Variants in NRG3 observed in about 807,000 individuals in gnomAD.
NRG3 encodes the protein pro-neuregulin-3, membrane-bound isoform.
A neutral mutation model predicts 66.9 loss-of-function variants in NRG3; 31 were observed. The observed-to-expected ratio is 0.46, with a 90% confidence interval of 0.35 to 0.63. The LOEUF is 0.63. Ranked by LOEUF, NRG3 falls within the 20% of genes least tolerant of loss-of-function variation. The pLI, the probability that NRG3 is intolerant of heterozygous loss-of-function variation, is 0.00. For missense variants in NRG3, 910 were observed against 878.9 expected (o/e 1.04, Z -0.45); for synonymous variants, 393 against 359.4 (o/e 1.09, Z -1.06).
Position 82,534,806 on chromosome 10 carries a change from A to C in NRG3, c.953+175938A>C, listed in dbSNP as rs60249428. 4.3e-3 allele frequency among the ~76,000 whole-genome samples: 655 copies of C among 152,266 alleles called. 5 individuals carry two copies. The highest frequency in any genetic ancestry group is 0.015 in the African/African-American group (631 of 41,554). ...ACTGATCTGGGACAAGAATGCTAAA[A>C]ATACACAATGGAGAAAGGATAGTCT... On this transcript the variant is annotated intron_variant, in intron 2 of 8. Coordinates refer to ENST00000372141, the MANE Select transcript of NRG3 (RefSeq NM_001010848.4).
intron 1 of NRG3, among the ~76,000 whole-genome samples, chr10:82,003,326 C>G (rs2061246840): frequency 6.6e-6 from 1 of 152,074 alleles, no homozygotes; most frequent in Non-Finnish European, 1.5e-5. Flanking sequence ...GAGCCTTGAT[C>G]TGGATAATTC....
At chr10:82,857,719 T>C (rs897640452) in intron 3 of NRG3, among the ~76,000 whole-genome samples, 21 of 152,366 alleles carry the variant, frequency 1.4e-4, no homozygotes, top group African/African-American at 4.8e-4. Flanking sequence ...TTGATTAATA[T>C]GATTTTTTAC....
At chr10:82,424,615 C>A (rs2089298627) in intron 2 of NRG3, among the ~76,000 whole-genome samples, 1 of 151,874 alleles carries the variant, frequency 6.6e-6, no homozygotes, top group Admixed American at 6.6e-5. Flanking sequence ...AAATTGTATC[C>A]TTTAAAGTGC....
intron 2 of NRG3, among the ~76,000 whole-genome samples, chr10:82,522,324 C>T (rs1846272857): frequency 6.6e-6 from 1 of 152,086 alleles, no homozygotes. Flanking sequence ...GGATTACAGG[C>T]ATGAGCCACT....
intron 1 of NRG3, among the ~76,000 whole-genome samples, chr10:81,883,316 A>G (rs920533719): frequency 2.0e-5 from 3 of 152,318 alleles, no homozygotes; most frequent in East Asian, 1.9e-4. Context: ...TGGAAATCTC[A>G]TCCTGAATTA....
At chr10:82,074,114 C>T (rs754538181) in intron 1 of NRG3, among the ~76,000 whole-genome samples, 3 of 150,984 alleles carry the variant, frequency 2.0e-5, no homozygotes, top group Non-Finnish European at 2.9e-5. Context: ...TGAAGGACAA[C>T]GTGGCTGCTG....
intron 2 of NRG3, among the ~76,000 whole-genome samples, chr10:82,570,507 TA>T (rs1180412383): frequency 5.3e-5 from 8 of 151,630 alleles, no homozygotes; most frequent in African/African-American, 1.9e-4. Context: ...AAGTACTTAA[TA>T]AATATTTGTT....
At chr10:81,903,173 A>G (rs1282059694) in intron 1 of NRG3, among the ~76,000 whole-genome samples, 7 of 152,168 alleles carry the variant, frequency 4.6e-5, no homozygotes, top group Non-Finnish European at 7.3e-5. Context: ...AGATGCTTGT[A>G]CTACATGTAA....
chr10:82,270,831 C>G (rs1373568081), intron 1 of NRG3, among the ~76,000 whole-genome samples: 2 of 152,110 alleles, frequency 1.3e-5, no homozygotes, highest in African/African-American at 4.8e-5. Context: ...AGTATTGTCT[C>G]TTACGCCATG....
chr10:82,733,627 C>G (rs562932216), intron 2 of NRG3, among the ~76,000 whole-genome samples: 1 of 152,282 alleles, frequency 6.6e-6, no homozygotes, highest in Admixed American at 6.5e-5. Context: ...CACCTTTCAT[C>G]AATGAGTAAA....
At chr10:82,825,801 A>G (rs1359463775) in intron 3 of NRG3, among the ~76,000 whole-genome samples, 1 of 152,226 alleles carries the variant, frequency 6.6e-6, no homozygotes, top group Non-Finnish European at 1.5e-5. Context: ...TAAATATTAT[A>G]AAAGTGAGCC....
intron 2 of NRG3, among the ~76,000 whole-genome samples, chr10:82,471,730 G>A (rs561979450): frequency 3.3e-5 from 5 of 152,000 alleles, no homozygotes; most frequent in South Asian, 4.2e-4. Context: ...GTGAAACCCC[G>A]TCTCTACTAA....
intron 2 of NRG3, among the ~76,000 whole-genome samples, chr10:82,647,017 A>T (rs1444505630): frequency 1.6e-5 from 2 of 127,000 alleles, no homozygotes; most frequent in Non-Finnish European, 3.4e-5. Context: ...TTTTATTATT[A>T]TTATACTTTA....
intron 2 of NRG3, among the ~76,000 whole-genome samples, chr10:82,708,959 C>A (rs1457004327): frequency 2.6e-5 from 4 of 152,050 alleles, no homozygotes; most frequent in African/African-American, 9.7e-5. Flanking sequence ...CTCGTAACCC[C>A]TGAGCAGCCA....
At chr10:82,368,096 C>T (rs746172546) in intron 2 of NRG3, among the ~76,000 whole-genome samples, 1 of 104,808 alleles carries the variant, frequency 9.5e-6, no homozygotes, top group Non-Finnish European at 1.7e-5. Context: ...AATATTACTA[C>T]TTCCCAGGAT....
intron 2 of NRG3, among the ~76,000 whole-genome samples, chr10:82,734,785 A>G (rs371510010): frequency 2.6e-5 from 4 of 152,260 alleles, no homozygotes; most frequent in African/African-American, 7.2e-5. Flanking sequence ...TGGGAGGCCA[A>G]GACAGGAGGA....
chr10:82,194,968 T>C (rs1021855594), intron 1 of NRG3, among the ~76,000 whole-genome samples: 1 of 152,150 alleles, frequency 6.6e-6, no homozygotes, highest in African/African-American at 2.4e-5. Flanking sequence ...TTTCTAATTA[T>C]CTTGCAAGGC....
chr10:82,390,525 C>A (rs1267621271), intron 2 of NRG3, among the ~76,000 whole-genome samples: 1 of 152,026 alleles, frequency 6.6e-6, no homozygotes, highest in East Asian at 1.9e-4. Flanking sequence ...ATCTGATTTG[C>A]CCGTGACACT....
At chr10:82,901,417 A>G (rs1396858455) in intron 4 of NRG3, among the ~76,000 whole-genome samples, 1 of 152,114 alleles carries the variant, frequency 6.6e-6, no homozygotes, top group Non-Finnish European at 1.5e-5. Context: ...TGGTGAGAAT[A>G]TGGATTATGA....
Sources: allele counts gnomAD v4.1 joint callset (sites outside exome capture counted in the v4.1 genomes callset), GRCh38; gene constraint gnomAD v4.1.1; transcripts MANE v1.5; gene names NCBI Gene and HGNC (gene_info 2026-07-23, HGNC 2026-07-21).